The following SORL1 variants were observed in gnomAD, a reference collection of about 807,000 sequenced individuals.
SORL1 encodes the protein sortilin-related receptor.
A neutral mutation model predicts 273.7 loss-of-function variants in SORL1; 127 were observed. The ratio of observed to expected loss-of-function variants is 0.46; its 90% CI spans 0.40 to 0.54. The LOEUF (loss-of-function observed/expected upper bound fraction) is 0.54, where lower values mean the gene tolerates loss of function less well. SORL1 is among the 20% of genes least tolerant of loss of function. The probability of loss-of-function intolerance (pLI) is 0.00; values close to 1 mark genes in which losing one functional copy is unlikely to be tolerated. For missense variants in SORL1, 2,494 were observed against 2,846.1 expected, an observed-to-expected ratio of 0.88 and a Z score of 2.81; for synonymous variants, 1,031 against 1,067.4, an observed-to-expected ratio of 0.97 and a Z score of 0.66.
intron 3 of SORL1, among the ~76,000 whole-genome samples, chr11:121,485,391 T>G (rs1418857194): frequency 1.3e-5 from 2 of 152,212 alleles, no homozygotes; most frequent in Non-Finnish European, 2.9e-5. Context: ...ACGTCAATGC[T>G]GCCTAGTCCT....
At chr11:121,545,116 C>T (rs1350246431) in intron 13 of SORL1, 127 bp from the exon 14 acceptor site, 5 of 777,032 alleles carry the variant, frequency 6.4e-6, no homozygotes, top group Non-Finnish European at 1.1e-5. Context: ...ATTGGAGGGT[C>T]TGTGTGCTTG....
At chr11:121,583,685 GCCTGTATTTACA>G in intron 26 of SORL1, 102 bp downstream of exon 26, 1 of 1,325,220 alleles carries the variant, frequency 7.5e-7, no homozygotes, top group Non-Finnish European at 1.0e-6. Context: ...GTTCTCCTAT[GCCTGTATTTACA>G]CTCTGAAACC....
intron 24 of SORL1, 27 bp downstream of exon 24, chr11:121,574,390 C>A: frequency 6.2e-7 from 1 of 1,609,538 alleles, no homozygotes; most frequent in South Asian, 1.1e-5. Context: ...TCCTGAAACC[C>A]TGCTCTGGAG....
chr11:121,603,207 G>A (rs943342666), intron 32 of SORL1, among the ~76,000 whole-genome samples: 4 of 152,218 alleles, frequency 2.6e-5, no homozygotes, highest in East Asian at 3.8e-4. Flanking sequence ...GGATGTGGAC[G>A]TCTTTGACTT....
chr11:121,478,640 ATGCGTGTGTGTGCATGTACGTGCTTGTG>A (rs1360803904), intron 3 of SORL1, among the ~76,000 whole-genome samples: 1 of 151,936 alleles, frequency 6.6e-6, no homozygotes, highest in African/African-American at 2.4e-5. Context: ...GCGTGCTTGT[ATGCGTGTGTGTGCATGTACGTGCTTGTG>A]TGCGTGTGAG....
chr11:121,627,871 G>A lies in SORL1; in HGVS notation c.6577+104G>A. The stretch of plus-strand genomic sequence containing the variant: ...ACCTTCAGCTCCTCTTTTGACCCTG[G>A]AGGAGCTCTTCATCAGCCAGCGATT... On this transcript the variant is annotated intron_variant, in intron 47 of 47. Transcript: ENST00000260197. This position sits in a 1 kb window ranked among gnomAD's most constrained non-coding sequence, Gnocchi z 4.9. The A allele has an allele frequency of 1.3e-6, 1 of 741,064 alleles. No homozygotes were observed. The highest frequency in any genetic ancestry group is 2.2e-6 in the Non-Finnish European group (1 of 458,130). 45.9% of individuals were successfully genotyped at this position (741,064 alleles called of 1,614,324 possible). A position where few individuals can be genotyped will look rare whatever the true frequency, so the allele number is the denominator to read the frequency against.
intron 21 of SORL1, among the ~76,000 whole-genome samples, chr11:121,561,755 T>G (rs1039086128): frequency 1.1e-4 from 17 of 151,210 alleles, no homozygotes; most frequent in African/African-American, 3.9e-4. Flanking sequence ...CCTGGACCTG[T>G]GCATGGGCGG....
rs751223058 is a variant in SORL1, at chr11:121,629,614, A to G, written c.*51A>G. On this transcript the variant is annotated 3_prime_UTR_variant, in exon 48 of 48. Coordinates refer to ENST00000260197, the MANE Select transcript of SORL1 (RefSeq NM_003105.6). ...ATGGTGTAAATATTTTATTTGATAA[A>G]GATAGTTGATGGTTTATTTTAAAAG... The G allele has an allele frequency of 8.8e-6, 8 of 909,548 alleles. No homozygotes were observed. The South Asian group carries it at 9.3e-5, about 11-fold the overall frequency. The allele number at this position is 909,548 out of a possible 1,614,324, so 56.3% of individuals were successfully genotyped here.
intron 12 of SORL1, among the ~76,000 whole-genome samples, chr11:121,533,003 C>G (rs1365248471): frequency 6.6e-6 from 1 of 152,012 alleles, no homozygotes; most frequent in Non-Finnish European, 1.5e-5. Flanking sequence ...CTCTTTATCT[C>G]CCAAATGGGA....
intron 1 of SORL1, among the ~76,000 whole-genome samples, chr11:121,456,596 T>C (rs1460902632): frequency 2.0e-5 from 3 of 152,248 alleles, no homozygotes; most frequent in Admixed American, 2.0e-4. Context: ...ATGGGAGTTA[T>C]TTTCAATGAA....
chr11:121,605,486 C>T lies in SORL1; in HGVS notation c.4863C>T (p.Thr1621=). 6.2e-7 allele frequency: 1 copy of T among 1,613,222 alleles called. No homozygotes were observed. The highest frequency in any genetic ancestry group is 8.5e-7 in the Non-Finnish European group (1 of 1,179,196). ...NTVLKVLKPD[T]TYQVKVQVQC... ...TATTAAAAGTCTTGAAACCAGATAC[C>T]ACGTATCAGGTTAAAGTACAGGTTC... Residue 1621 remains threonine (T), a synonymous_variant, in exon 35 of 48, where the codon ACC becomes ACT. Coordinates refer to ENST00000260197, the MANE Select transcript of SORL1 (RefSeq NM_003105.6).
intron 11 of SORL1, among the ~76,000 whole-genome samples, chr11:121,527,696 A>G (rs1862143306): frequency 6.6e-6 from 1 of 152,052 alleles, no homozygotes; most frequent in Non-Finnish European, 1.5e-5. Context: ...TTTTGTTTCA[A>G]TTTTGATGAG....
intron 2 of SORL1, among the ~76,000 whole-genome samples, chr11:121,477,674 T>G (rs1861295791): frequency 6.6e-6 from 1 of 152,172 alleles, no homozygotes; most frequent in South Asian, 2.1e-4. Flanking sequence ...TGGTAACATC[T>G]GTCATTTCCT....
At chr11:121,516,030 A>C (rs1308932186) in intron 8 of SORL1, among the ~76,000 whole-genome samples, 7 of 152,226 alleles carry the variant, frequency 4.6e-5, no homozygotes, top group Admixed American at 4.6e-4. Flanking sequence ...TTTTTCCGTT[A>C]AAATCTGTGA....
rs568047774 is a variant in SORL1, at chr11:121,631,284, A to G, written c.*1721A>G. The G allele has an allele frequency of 6.6e-6, 1 of 152,312 alleles. No individual in the cohort carries two copies. Among genetic ancestry groups the G allele is most frequent in the East Asian group, 1.9e-4 (1 of 5,184 alleles). 9.4% of individuals were successfully genotyped at this position (152,312 alleles called of 1,614,324 possible). ...TCGACCTTTAGTTTGCCATACGGGT[A>G]GGACTGTATTTCATGTTAACAACTG... On this transcript the variant is annotated 3_prime_UTR_variant, in exon 48 of 48. Coordinates refer to ENST00000260197, the MANE Select transcript of SORL1 (RefSeq NM_003105.6).
chr11:121,539,961 C>T (rs1210495655), intron 12 of SORL1, among the ~76,000 whole-genome samples: 1 of 152,132 alleles, frequency 6.6e-6, no homozygotes, highest in Non-Finnish European at 1.5e-5. Context: ...TCCACTGACC[C>T]ACCAGTCTGC....
In SORL1 at chr11:121,452,559, G is replaced by A; in HGVS notation, c.228G>A (p.Pro76=). ...GGGCGAGCCGCGCGGACGAGAAGCC[G>A]CTCCGGAGGAAACGGAGCGCTGCCC... ...ARGASRADEK[P]LRRKRSAALQ... is the part of the protein sequence containing the mutation. The change falls in exon 1 of 48, where the codon CCG becomes CCA. Residue 76 remains proline (P), a synonymous_variant. Coordinates refer to ENST00000260197, the MANE Select transcript of SORL1 (RefSeq NM_003105.6). The surrounding 1 kb of genome is among the most constrained non-coding windows in gnomAD (Gnocchi z 5.3). The A allele has an allele frequency of 6.6e-7, 1 of 1,512,312 alleles. No individual in the cohort carries two copies. The highest frequency in any genetic ancestry group is 8.8e-7 in the Non-Finnish European group (1 of 1,137,266). The allele number at this position is 1,512,312 out of a possible 1,614,324, so 93.7% of individuals were successfully genotyped here. A position where few individuals can be genotyped will look rare whatever the true frequency, so the allele number is the denominator to read the frequency against.
rs182602504 is a variant in SORL1, at chr11:121,494,038, A to C, written c.759-2831A>C. On this transcript the variant is annotated intron_variant, in intron 5 of 47. Transcript: ENST00000260197. ...CCCTCTGCTCAAGGAGAACCATTAG[A>C]ACTTTCTTCTGCTTTATTTGAATTT... 2.0e-4 allele frequency among the ~76,000 whole-genome samples: 30 copies of C among 152,348 alleles called. No homozygotes were observed. In the East Asian group the frequency reaches 5.2e-3, roughly 26 times the overall value.
intron 26 of SORL1, among the ~76,000 whole-genome samples, chr11:121,585,498 TATACAC>T (rs1229041044): frequency 4.5e-4 from 48 of 106,718 alleles, no homozygotes; most frequent in African/African-American, 1.4e-3. Context: ...AAAAAATGTA[TATACAC>T]ACACACACAC....
Sources: gnomAD v4.1 joint callset for allele counts (sites outside exome capture counted in the v4.1 genomes callset) on GRCh38, gnomAD v4.1.1 for gene constraint, Gnocchi (gnomAD v3.1) non-coding constraint, MANE v1.5 for transcripts, NCBI Gene and HGNC (gene_info 2026-07-23, HGNC 2026-07-21) for gene names.